The following ASXL2 variants were observed in gnomAD, a reference collection of about 807,000 sequenced individuals.
The protein encoded by ASXL2 is ASXL transcriptional regulator 2, also known as putative Polycomb group protein ASXL2.
In ASXL2, 23 loss-of-function variants were observed where a neutral mutation model predicts 122.0. The ratio of observed to expected loss-of-function variants is 0.19; its 90% CI spans 0.14 to 0.27. The LOEUF (loss-of-function observed/expected upper bound fraction) is 0.27, where lower values mean the gene tolerates loss of function less well. ASXL2 is among the 10% of genes least tolerant of loss of function. ASXL2 has a pLI of 1.00. For missense variants in ASXL2, 1,518 were observed against 1,713.8 expected (o/e 0.89, Z 2.02); for synonymous variants, 650 against 637.0 (o/e 1.02, Z -0.31).
chr2:25,793,782 AT>A (rs2088872073), intron 5 of ASXL2, among the ~76,000 whole-genome samples: 1 of 152,112 alleles, frequency 6.6e-6, no homozygotes, highest in Non-Finnish European at 1.5e-5. Context: ...ACCAAGTGCA[AT>A]CTACTCCAAA....
At chr2:25,875,180 G>T (rs1208680044) in intron 1 of ASXL2, among the ~76,000 whole-genome samples, 3 of 152,218 alleles carry the variant, frequency 2.0e-5, no homozygotes, top group Non-Finnish European at 4.4e-5. Flanking sequence ...GCAGTCCAGT[G>T]TAGTGAATGC....
Position 25,737,147 on chromosome 2 carries a change from C to T in ASXL2, c.*4882G>A, listed in dbSNP as rs557935573. ...TCACATTATTTTCCTTGCTCTTTGA[C>T]CTCTCCAGATTAGACGGGCAGGAAG... On this transcript the variant is annotated 3_prime_UTR_variant, in exon 13 of 13. Coordinates refer to ENST00000435504, the MANE Select transcript of ASXL2 (RefSeq NM_018263.6). The T allele has an allele frequency of 1.3e-5, 2 of 151,912 alleles. No individual in the cohort carries two copies. The highest frequency in any genetic ancestry group is 2.9e-5 in the Non-Finnish European group (2 of 67,990). The allele number at this position is 151,912 out of a possible 1,614,324, so 9.4% of individuals were successfully genotyped here.
intron 8 of ASXL2, among the ~76,000 whole-genome samples, chr2:25,760,188 T>C (rs935074500): frequency 3.3e-5 from 5 of 151,290 alleles, no homozygotes; most frequent in Admixed American, 2.6e-4. Context: ...AAAATGTAAA[T>C]AAAAATTTAT....
chr2:25,829,318 G>T (rs953073923), intron 3 of ASXL2, among the ~76,000 whole-genome samples: 3 of 151,704 alleles, frequency 2.0e-5, no homozygotes, highest in Non-Finnish European at 2.9e-5. Context: ...ACACACGAGG[G>T]TTTATCATCT....
intron 1 of ASXL2, among the ~76,000 whole-genome samples, chr2:25,876,079 C>T (rs531506791): frequency 6.6e-6 from 1 of 152,052 alleles, no homozygotes; most frequent in South Asian, 2.1e-4. Flanking sequence ...TAGATTTTGG[C>T]TACTAGAAAA....
At chr2:25,780,534 T>C (rs2088616679) in intron 5 of ASXL2, among the ~76,000 whole-genome samples, 2 of 152,250 alleles carry the variant, frequency 1.3e-5, no homozygotes, top group South Asian at 2.1e-4. Context: ...AAATGAAAAT[T>C]ATTGGGTGGA....
At chr2:25,810,554 C>T (rs1307832911) in intron 3 of ASXL2, 13 of 722,854 alleles carry the variant, frequency 1.8e-5, no homozygotes, top group Non-Finnish European at 2.7e-5. Context: ...TCTCCTTCAG[C>T]TTCTCGCTGG....
chr2:25,791,185 A>G (rs1364173954), intron 5 of ASXL2, among the ~76,000 whole-genome samples: 1 of 151,594 alleles, frequency 6.6e-6, no homozygotes, highest in Middle Eastern at 3.2e-3. Context: ...CTATACCTTA[A>G]TTTTCCTAAG....
intron 2 of ASXL2, among the ~76,000 whole-genome samples, chr2:25,840,102 C>T (rs941123811): frequency 1.1e-4 from 16 of 151,800 alleles, no homozygotes; most frequent in Non-Finnish European, 2.2e-4. Flanking sequence ...CACAGATCCT[C>T]GTGAGGGGAA....
At chr2:25,790,830 GTCTC>G (rs1159364252) in intron 5 of ASXL2, among the ~76,000 whole-genome samples, 1 of 143,712 alleles carries the variant, frequency 7.0e-6, no homozygotes, top group African/African-American at 2.6e-5. Context: ...TTGAGACAGG[GTCTC>G]TCTCTGTCAC....
intron 5 of ASXL2, among the ~76,000 whole-genome samples, chr2:25,773,531 T>C (rs13421057): frequency 0.021 from 3,215 of 151,690 alleles, 113 homozygotes; most frequent in African/African-American, 0.07. Context: ...CTGGGTGTGG[T>C]GGCGGGCGCT....
chr2:25,813,299 A>G (rs2089194413), intron 3 of ASXL2, among the ~76,000 whole-genome samples: 2 of 152,238 alleles, frequency 1.3e-5, no homozygotes, highest in Admixed American at 6.5e-5. Flanking sequence ...CCCTGATCTA[A>G]AACACTTAGG....
chr2:25,843,814 T>TAAA lies in ASXL2; in HGVS notation c.140+1664_140+1666dup, dbSNP rs541446675. Among the ~76,000 whole-genome samples the TAAA allele has an allele frequency of 8.1e-5, 7 of 86,546 alleles. 1 individual carries two copies. The highest frequency in any genetic ancestry group is 3.8e-4 in the South Asian group (1 of 2,642). 56.8% of individuals were successfully genotyped at this position (86,546 alleles called of 152,430 possible). ...GGCAACATAATGAGACTCCATCTCTTAAAAAAAAAAAAAAAAAAGAAAGAA... is the reference window on the plus strand; with the variant it reads ...GGCAACATAATGAGACTCCATCTCTTAAAAAAAAAAAAAAAAAAAAAGAAAGAA... On this transcript the variant is annotated intron_variant, in intron 2 of 12. Coordinates refer to ENST00000435504, the MANE Select transcript of ASXL2 (RefSeq NM_018263.6).
At chr2:25,767,401 G>A (rs1412578169) in intron 8 of ASXL2, among the ~76,000 whole-genome samples, 182 bp downstream of exon 8, 2 of 152,136 alleles carry the variant, frequency 1.3e-5, no homozygotes, top group African/African-American at 2.4e-5. Flanking sequence ...AATCAATTCC[G>A]TTCCTGTTAC....
chr2:25,771,875 TCA>T (rs2088462513), intron 5 of ASXL2, among the ~76,000 whole-genome samples: 1 of 152,214 alleles, frequency 6.6e-6, no homozygotes, highest in East Asian at 1.9e-4. Context: ...ATCTATGGTC[TCA>T]CAGTAAATCT....
At chr2:25,826,096 G>A (rs188962105) in intron 3 of ASXL2, among the ~76,000 whole-genome samples, 2 of 152,184 alleles carry the variant, frequency 1.3e-5, no homozygotes, top group East Asian at 3.9e-4. Flanking sequence ...TCCTTCTTAA[G>A]CTAAGCTAAA....
chr2:25,743,595 A>G lies in ASXL2; in HGVS notation c.2742T>C (p.Ala914=). ...VSATTAPAGS[A]PPSSTLPAAS... is the part of the protein sequence containing the mutation. ...CTGCTGGCAAAGTGCTCGAGGGTGGAGCTGATCCAGCAGGTGCTGTAGTTG... is the reference window on the plus strand; with the variant it reads ...CTGCTGGCAAAGTGCTCGAGGGTGGGGCTGATCCAGCAGGTGCTGTAGTTG... Residue 914 remains alanine, a synonymous_variant, in exon 13 of 13, where the codon GCT becomes GCC. Transcript: ENST00000435504. 6.2e-7 allele frequency: 1 copy of G among 1,614,022 alleles called. No individual in the cohort carries two copies. Among genetic ancestry groups the G allele is most frequent in the Non-Finnish European group, 8.5e-7 (1 of 1,179,890 alleles).
At chr2:25,868,745 C>A (rs2089930511) in intron 1 of ASXL2, among the ~76,000 whole-genome samples, 1 of 152,170 alleles carries the variant, frequency 6.6e-6, no homozygotes, top group South Asian at 2.1e-4. Context: ...AAAGTAAGAA[C>A]AGGCTGGCAG....
intron 3 of ASXL2, among the ~76,000 whole-genome samples, chr2:25,831,593 G>A (rs59189268): frequency 0.094 from 14,324 of 152,134 alleles, 862 homozygotes; most frequent in African/African-American, 0.17. Context: ...GGCTGATGCT[G>A]CAGTGAGCTG....
Sources: gnomAD v4.1 joint callset for allele counts (sites outside exome capture counted in the v4.1 genomes callset) on GRCh38, gnomAD v4.1.1 for gene constraint, MANE v1.5 for transcripts, NCBI Gene and HGNC (gene_info 2026-07-23, HGNC 2026-07-21) for gene names.